The following EMCN variants were observed in gnomAD, a reference collection of about 807,000 sequenced individuals.
EMCN encodes MUC-14.
A neutral mutation model predicts 38.4 loss-of-function variants in EMCN; 37 were observed. The ratio of observed to expected loss-of-function variants is 0.96; its 90% CI spans 0.74 to 1.27. The LOEUF (loss-of-function observed/expected upper bound fraction) is 1.27. EMCN is among the 50% of genes most tolerant of loss of function. The pLI is 0.00. For missense variants in EMCN, 318 were observed against 302.8 expected, an observed-to-expected ratio of 1.05 and a Z score of -0.37; for synonymous variants, 95 against 100.8, an observed-to-expected ratio of 0.94 and a Z score of 0.35.
At chr4:100,424,512 C>T (rs886463178) in intron 5 of EMCN, among the ~76,000 whole-genome samples, 2 of 152,124 alleles carry the variant, frequency 1.3e-5, no homozygotes, top group South Asian at 2.1e-4. Context: ...ACTGCCTTGG[C>T]TCATTCCTTC....
At chr4:100,487,440 C>T (rs935681574) in intron 1 of EMCN, among the ~76,000 whole-genome samples, 3 of 152,192 alleles carry the variant, frequency 2.0e-5, no homozygotes, top group Non-Finnish European at 4.4e-5. Context: ...CTGGGCTCCA[C>T]ATAGAGGAGG....
chr4:100,398,791 C>A (rs1726179369), intron 11 of EMCN, among the ~76,000 whole-genome samples: 2 of 152,130 alleles, frequency 1.3e-5, no homozygotes, highest in South Asian at 4.1e-4. Flanking sequence ...CTCCATACTG[C>A]AGCTCCCTAG....
At chr4:100,511,318 C>G (rs560012491) in intron 1 of EMCN, among the ~76,000 whole-genome samples, 1 of 152,186 alleles carries the variant, frequency 6.6e-6, no homozygotes, top group South Asian at 2.1e-4. Flanking sequence ...TGTAAAGTGC[C>G]TGGCACAATA....
intron 11 of EMCN, among the ~76,000 whole-genome samples, chr4:100,402,038 C>T (rs1342251366): frequency 2.0e-5 from 3 of 152,080 alleles, no homozygotes; most frequent in African/African-American, 7.2e-5. Context: ...ATTATTTTTA[C>T]TCATTATATA....
intron 5 of EMCN, among the ~76,000 whole-genome samples, chr4:100,433,374 T>C (rs1435299794): frequency 6.6e-6 from 1 of 152,160 alleles, no homozygotes; most frequent in African/African-American, 2.4e-5. Flanking sequence ...ACAGACACTT[T>C]TAGTTTCTAC....
At chr4:100,406,151 A>T (rs1726387060) in intron 11 of EMCN, among the ~76,000 whole-genome samples, 1 of 151,992 alleles carries the variant, frequency 6.6e-6, no homozygotes, top group Admixed American at 6.6e-5. Flanking sequence ...TCTAGCTAAC[A>T]GTCTATCAGT....
intron 5 of EMCN, among the ~76,000 whole-genome samples, chr4:100,435,160 A>T (rs183754943): frequency 2.6e-5 from 4 of 152,332 alleles, no homozygotes; most frequent in Admixed American, 6.5e-5. Context: ...TTAAGCTGAT[A>T]AGCAACTTCA....
chr4:100,506,781 T>G (rs1729490390), intron 1 of EMCN, among the ~76,000 whole-genome samples: 1 of 152,208 alleles, frequency 6.6e-6, no homozygotes, highest in Non-Finnish European at 1.5e-5. Flanking sequence ...GATAGACTGC[T>G]AAATTCTTCT....
At chr4:100,466,683 G>A (rs1578212483) in intron 3 of EMCN, among the ~76,000 whole-genome samples, 1 of 152,188 alleles carries the variant, frequency 6.6e-6, no homozygotes, top group East Asian at 1.9e-4. Context: ...ATGTGAAGTA[G>A]AGATAATGCC....
chr4:100,504,391 C>A (rs1045143031), intron 1 of EMCN, among the ~76,000 whole-genome samples: 1 of 152,032 alleles, frequency 6.6e-6, no homozygotes, highest in Non-Finnish European at 1.5e-5. Context: ...GGCAAGAGAC[C>A]GAGGGCACGA....
At chr4:100,470,952 C>T (rs1311094797) in intron 3 of EMCN, among the ~76,000 whole-genome samples, 1 of 151,508 alleles carries the variant, frequency 6.6e-6, no homozygotes, top group Non-Finnish European at 1.5e-5. Context: ...GCAGAGAAAG[C>T]AATGGAAAGA....
chr4:100,439,456 G>A (rs55801076), intron 5 of EMCN, among the ~76,000 whole-genome samples: 1 of 151,110 alleles, frequency 6.6e-6, no homozygotes. Flanking sequence ...TAGTCTTAAC[G>A]ATCCTTTTAA....
rs1168202143 is a variant in EMCN, at chr4:100,395,921, A to C, written c.*2492T>G. The C allele has an allele frequency of 2.0e-5, 3 of 152,194 alleles. No homozygotes were observed. Among genetic ancestry groups the C allele is most frequent in the Non-Finnish European group, 4.4e-5 (3 of 68,026 alleles). The allele number at this position is 152,194 out of a possible 1,614,324, so 9.4% of individuals were successfully genotyped here. ...CTATTGATAGACTTAAATTATATTC[A>C]TATTATTATGCAAAACAAACACATA... On this transcript the variant is annotated 3_prime_UTR_variant, in exon 12 of 12. Transcript: ENST00000296420.
At chr4:100,470,892 A>G (rs1728458896) in intron 3 of EMCN, among the ~76,000 whole-genome samples, 1 of 151,968 alleles carries the variant, frequency 6.6e-6, no homozygotes, top group Non-Finnish European at 1.5e-5. Flanking sequence ...ATTAGAAAAT[A>G]CTTTGCAGTA....
At position 100,421,320 on chromosome 4, in the gene EMCN, A is replaced by C. The variant is rs780741104; in HGVS notation, c.626T>G (p.Leu209Arg). ...CCAGCACATTCGGTACAAACCCACC[A>C]GAACAAATACTGAAAGTGTTATTAC... Reference protein sequence around the residue: ...LIVITLSVFVLVGLYRMCWKA... With the variant: ...LIVITLSVFVRVGLYRMCWKA... The change falls in exon 8 of 12, where the codon CTG becomes CGG. Residue 209 changes from leucine to arginine, a missense_variant. Leu to Arg is a moderately radical substitution (Grantham distance 102). Transcript: ENST00000296420. The C allele has an allele frequency of 1.2e-6, 2 of 1,612,984 alleles. No homozygotes were observed. Among genetic ancestry groups the C allele is most frequent in the East Asian group, 4.5e-5 (2 of 44,850 alleles).
At chr4:100,415,623 T>C (rs1326568317) in intron 10 of EMCN, among the ~76,000 whole-genome samples, 1 of 152,150 alleles carries the variant, frequency 6.6e-6, no homozygotes, top group East Asian at 1.9e-4. Context: ...TTTGGTATCT[T>C]TCTGCCACTC....
chr4:100,498,491 CTT>C (rs768052759), intron 1 of EMCN, among the ~76,000 whole-genome samples: 3 of 145,164 alleles, frequency 2.1e-5, no homozygotes, highest in Admixed American at 6.9e-5. Context: ...CAGTGTATCA[CTT>C]TTTTTTTTTT....
In EMCN at chr4:100,504,240, G is replaced by A. The variant is rs75521763; in HGVS notation, c.64+13611C>T. On this transcript the variant is annotated intron_variant, in intron 1 of 11. Transcript: ENST00000296420. The stretch of plus-strand genomic sequence containing the variant: ...ATCCTTACAGTTGGAAGGCATAACG[G>A]CCTAGGATCTGACTCACTCCTGGGA... Among the ~76,000 whole-genome samples the A allele has an allele frequency of 4.1e-3, 629 of 152,262 alleles. 5 individuals are homozygous for A. The highest frequency in any genetic ancestry group is 6.3e-3 in the Admixed American group (97 of 15,296).
At chr4:100,508,903 A>G (rs1348002384) in intron 1 of EMCN, among the ~76,000 whole-genome samples, 1 of 152,220 alleles carries the variant, frequency 6.6e-6, no homozygotes, top group Non-Finnish European at 1.5e-5. Flanking sequence ...AAGCAAATCA[A>G]ATAAGTTTAG....
Sources: gnomAD v4.1 joint callset for allele counts (sites outside exome capture counted in the v4.1 genomes callset) on GRCh38, gnomAD v4.1.1 for gene constraint, MANE v1.5 for transcripts, NCBI Gene and HGNC (gene_info 2026-07-23, HGNC 2026-07-21) for gene names.